ITGAV: variants seen among roughly 807,000 people sequenced by gnomAD.
ITGAV encodes the protein integrin subunit alpha V.
ITGAV carries 76 observed loss-of-function variants against 143.8 expected under a neutral mutation model. That is an observed-to-expected ratio of 0.53 (90% CI 0.44 to 0.64). The LOEUF (loss-of-function observed/expected upper bound fraction) is 0.64. Ranked by LOEUF, ITGAV falls within the 30% of genes least tolerant of loss-of-function variation. ITGAV has a pLI of 0.00. For synonymous variants in ITGAV, 453 were observed against 446.7 expected, an observed-to-expected ratio of 1.01 and a Z score of -0.18; for missense variants, 1,193 against 1,274.7, an observed-to-expected ratio of 0.94 and a Z score of 0.98.
intron 26 of ITGAV, among the ~76,000 whole-genome samples, chr2:186,674,485 T>C (rs1418648154): frequency 6.6e-6 from 1 of 152,122 alleles, no homozygotes; most frequent in Non-Finnish European, 1.5e-5. Context: ...AGCTTTACTT[T>C]ATCATTTCTA....
intron 6 of ITGAV, 86 bp downstream of exon 6, chr2:186,633,460 T>G: frequency 1.4e-6 from 1 of 693,486 alleles, no homozygotes; most frequent in Non-Finnish European, 2.5e-6. Context: ...ATTTTACAAA[T>G]TATTTTAAAG....
intron 1 of ITGAV, among the ~76,000 whole-genome samples, chr2:186,596,364 A>G (rs1686748636): frequency 6.6e-6 from 1 of 151,874 alleles, no homozygotes; most frequent in Admixed American, 6.6e-5. Context: ...GCTGTTGTAC[A>G]CTTTCATTAG....
chr2:186,655,558 C>A (rs1688558707), intron 16 of ITGAV, among the ~76,000 whole-genome samples: 1 of 152,168 alleles, frequency 6.6e-6, no homozygotes, highest in South Asian at 2.1e-4. Flanking sequence ...CGGGTATTCA[C>A]CCAAATTTGA....
chr2:186,600,202 T>C, intron 1 of ITGAV: 2 of 811,776 alleles, frequency 2.5e-6, no homozygotes, highest in Non-Finnish European at 3.9e-6. Context: ...CAGCCATACC[T>C]TTCTTTGTAG....
At position 186,590,361 on chromosome 2, in the gene ITGAV, G is replaced by T. The variant is rs777070909; in HGVS notation, c.23G>T (p.Arg8Leu). The change falls in exon 1 of 30, where the codon CGG (arginine) becomes CTG (leucine). Residue 8 changes from arginine (R) to leucine (L), a missense_variant. Transcript: ENST00000261023. MAFPPRR[R>L]LRLGPRGLPL... is the part of the protein sequence containing the mutation. Reference sequence around the variant, plus strand: ...GCGATGGCTTTTCCGCCGCGGCGACGGCTGCGCCTCGGTCCCCGCGGCCTC... The same window carrying T: ...GCGATGGCTTTTCCGCCGCGGCGACTGCTGCGCCTCGGTCCCCGCGGCCTC... The T allele has an allele frequency of 5.1e-6, 8 of 1,583,948 alleles. No homozygotes were observed. The South Asian group carries it at 9.0e-5, about 18-fold the overall frequency.
chr2:186,628,279 G>T (rs1687727696), intron 4 of ITGAV, among the ~76,000 whole-genome samples: 1 of 151,880 alleles, frequency 6.6e-6, no homozygotes, highest in Non-Finnish European at 1.5e-5. Flanking sequence ...TTGTCTTGTG[G>T]GTTATTTTAT....
chr2:186,634,725 T>A (rs998063737), intron 6 of ITGAV, among the ~76,000 whole-genome samples: 3 of 152,182 alleles, frequency 2.0e-5, no homozygotes, highest in Non-Finnish European at 4.4e-5. Context: ...AAAATTATAA[T>A]TGAGTTTTAC....
At chr2:186,647,021 C>G (rs1688282152) in intron 13 of ITGAV, 144 bp downstream of exon 13, 2 of 600,920 alleles carry the variant, frequency 3.3e-6, no homozygotes, top group East Asian at 6.0e-5. Context: ...TTCAAGGCAT[C>G]ATTCCCGTCA....
chr2:186,625,664 T>G (rs1687655553), intron 4 of ITGAV, 77 bp downstream of exon 4: 2 of 555,876 alleles, frequency 3.6e-6, no homozygotes, highest in Non-Finnish European at 3.2e-6. Context: ...TGTGTGTGGG[T>G]GTGTGTGTGT....
chr2:186,667,260 A>C, intron 23 of ITGAV, 30 bp downstream of exon 23: 1 of 1,477,182 alleles, frequency 6.8e-7, no homozygotes, highest in African/African-American at 1.4e-5. Flanking sequence ...TGAGTATCTC[A>C]TTCTCATGAT....
chr2:186,656,201 A>G (rs1688577947), intron 16 of ITGAV, 46 bp from the exon 17 acceptor site: 1 of 1,411,450 alleles, frequency 7.1e-7, no homozygotes, highest in Non-Finnish European at 9.7e-7. Flanking sequence ...GGATAGATAG[A>G]TGTCCATAAA....
chr2:186,614,921 A>C (rs34712474), intron 2 of ITGAV, among the ~76,000 whole-genome samples: 1 of 151,876 alleles, frequency 6.6e-6, no homozygotes, highest in African/African-American at 2.4e-5. Flanking sequence ...AATTTTTACT[A>C]TATTTATAGA....
At chr2:186,638,629 AGCGT>A (rs1343356199) in intron 10 of ITGAV, among the ~76,000 whole-genome samples, 164 bp downstream of exon 10, 3 of 70,670 alleles carry the variant, frequency 4.2e-5, no homozygotes, top group Non-Finnish European at 9.2e-5. Context: ...TTCTCTTTTG[AGCGT>A]GTGTGTGTGT....
intron 1 of ITGAV, among the ~76,000 whole-genome samples, chr2:186,596,124 A>T (rs1686743587): frequency 1.3e-5 from 2 of 152,282 alleles, no homozygotes; most frequent in East Asian, 3.9e-4. Flanking sequence ...GGTGTTTCAG[A>T]TTTTCTAAGT....
chr2:186,631,732 T>C (rs1405118632), intron 5 of ITGAV, among the ~76,000 whole-genome samples: 1 of 152,214 alleles, frequency 6.6e-6, no homozygotes, highest in African/African-American at 2.4e-5. Flanking sequence ...AGCATTTTCT[T>C]ATTTTTTAAA....
At chr2:186,638,588 A>C (rs1033960556) in intron 10 of ITGAV, 123 bp downstream of exon 10, 24 of 700,852 alleles carry the variant, frequency 3.4e-5, no homozygotes, top group Non-Finnish European at 5.8e-5. Flanking sequence ...AATTCTTCCA[A>C]CTCTTACCAT....
In ITGAV at chr2:186,641,238, T is replaced by A. The variant is rs1688094375; in HGVS notation, c.957-148T>A. ...AAAAGAATTAAAGGAAGTTTCAAAT[T>A]TGAAATGAGTGCTCTGGTAATCATT... On this transcript the variant is annotated intron_variant, in intron 11 of 29. Transcript: ENST00000261023. 7.8e-6 allele frequency: 5 copies of A among 642,514 alleles called. No individual in the cohort carries two copies. In the East Asian group the frequency reaches 1.4e-4, roughly 18 times the overall value. The allele number at this position is 642,514 out of a possible 1,614,324, so 39.8% of individuals were successfully genotyped here. A position where few individuals can be genotyped will look rare whatever the true frequency, so the allele number is the denominator to read the frequency against.
At chr2:186,604,576 C>T (rs2105659101) in intron 2 of ITGAV, among the ~76,000 whole-genome samples, 1 of 152,250 alleles carries the variant, frequency 6.6e-6, no homozygotes, top group South Asian at 2.1e-4. Flanking sequence ...TGTATACTTT[C>T]CCTCACAGAA....
intron 2 of ITGAV, among the ~76,000 whole-genome samples, chr2:186,602,498 G>T (rs1686938691): frequency 6.6e-6 from 1 of 152,192 alleles, no homozygotes; most frequent in South Asian, 2.1e-4. Context: ...CTGCTTCTCT[G>T]TCAACCAAAT....
Sources: gnomAD v4.1 joint callset for allele counts (sites outside exome capture counted in the v4.1 genomes callset) on GRCh38, gnomAD v4.1.1 for gene constraint, MANE v1.5 for transcripts, NCBI Gene and HGNC (gene_info 2026-07-23, HGNC 2026-07-21) for gene names.